The following TGS1 variants were observed in gnomAD, a reference collection of about 807,000 sequenced individuals.
The protein encoded by TGS1 is trimethylguanosine synthase.
Under a neutral mutation model 92.2 loss-of-function variants are expected in TGS1, and 69 were observed. That is an observed-to-expected ratio of 0.75 (90% CI 0.62 to 0.91). The LOEUF (loss-of-function observed/expected upper bound fraction) is 0.91, where lower values mean the gene tolerates loss of function less well. Among genes scored for constraint, TGS1 ranks in the 40% least tolerant of loss-of-function variants. The pLI is 0.00. For missense variants in TGS1, 1,062 were observed against 1,001.2 expected (o/e 1.06, Z -0.82); for synonymous variants, 345 against 338.1 (o/e 1.02, Z -0.22).
chr8:55,806,866 G>T (rs1812386774), intron 10 of TGS1, among the ~76,000 whole-genome samples: 1 of 151,848 alleles, frequency 6.6e-6, no homozygotes, highest in African/African-American at 2.4e-5. Flanking sequence ...AGGGACTTTG[G>T]CACTCACTAT....
In TGS1 at chr8:55,786,620, A is replaced by G; in HGVS notation, c.722A>G (p.Tyr241Cys). The change falls in exon 4 of 13, where the codon TAT becomes TGT. Residue 241 changes from tyrosine to cysteine, a missense_variant. Transcript: ENST00000260129. ...PDTKEEWEQH[Y>C]SQLYWYYLEQ... is the part of the protein sequence containing the mutation. ...ACAAAGGAAGAATGGGAGCAACATT[A>G]TAGTCAACTTTATTGGTATTATTTG... The G allele has an allele frequency of 6.2e-7, 1 of 1,614,210 alleles. No individual in the cohort carries two copies. Among genetic ancestry groups the G allele is most frequent in the South Asian group, 1.1e-5 (1 of 91,086 alleles).
rs752842504 is a variant in TGS1, at chr8:55,792,708, G to A, written c.1291G>A (p.Asp431Asn). 6.2e-7 allele frequency: 1 copy of A among 1,613,240 alleles called. No individual in the cohort carries two copies. Among genetic ancestry groups the A allele is most frequent in the South Asian group, 1.1e-5 (1 of 91,054 alleles). ...PSKLKRSHEL[D>N]IDENPASDFD... ...CTTTTCTTTATTTAGCCATGAACTGGACATTGATGAAAACCCAGCTTCAGA... is the reference window on the plus strand; with the variant it reads ...CTTTTCTTTATTTAGCCATGAACTGAACATTGATGAAAACCCAGCTTCAGA... Residue 431 changes from aspartate (D) to asparagine (N), a missense_variant, in exon 6 of 13, where the codon GAC (aspartate) becomes AAC (asparagine). Transcript: ENST00000260129.
Position 55,785,712 on chromosome 8 carries a change from T to G in TGS1, c.167-7T>G, listed in dbSNP as rs1454085950. The G allele has an allele frequency of 1.3e-6, 2 of 1,587,518 alleles. No homozygotes were observed. Among genetic ancestry groups the G allele is most frequent in the African/African-American group, 2.7e-5 (2 of 73,500 alleles). ...CTTAAAACTAAGCTAATAAATGGTGTCTATAGGAGACCAGGCGACAGAAGA... is the reference window on the plus strand; with the variant it reads ...CTTAAAACTAAGCTAATAAATGGTGGCTATAGGAGACCAGGCGACAGAAGA... On this transcript the variant is annotated splice_polypyrimidine_tract_variant and splice_region_variant and intron_variant, in intron 2 of 12. Coordinates refer to ENST00000260129, the MANE Select transcript of TGS1 (RefSeq NM_024831.8).
chr8:55,799,493 A>T (rs1340714635), intron 8 of TGS1, among the ~76,000 whole-genome samples: 1 of 152,316 alleles, frequency 6.6e-6, no homozygotes, highest in South Asian at 2.1e-4. Context: ...TCTGCAGTTC[A>T]ACTTGGCCTC....
intron 5 of TGS1, among the ~76,000 whole-genome samples, chr8:55,791,232 CT>C (rs1811878455): frequency 6.6e-6 from 1 of 152,214 alleles, no homozygotes; most frequent in Admixed American, 6.5e-5. Context: ...AACAGAGTCA[CT>C]TGTGTCAGAC....
chr8:55,785,874 G>C lies in TGS1; in HGVS notation c.322G>C (p.Ala108Pro), dbSNP rs144671850. ...GCCACTTCAATTTGGTAGGATAACTGCACATAAGGATTTTGAGGTAAATAT... is the reference window on the plus strand; with the variant it reads ...GCCACTTCAATTTGGTAGGATAACTCCACATAAGGATTTTGAGGTAAATAT... ...GLPLQFGRIT[A>P]HKDFEVSMNT... Residue 108 changes from alanine to proline, a missense_variant, in exon 3 of 13, where the codon GCA (alanine) becomes CCA (proline). Transcript: ENST00000260129. 33 of 1,599,554 alleles carry C rather than the reference G, an allele frequency of 2.1e-5. No individual in the cohort carries two copies. The African/African-American group carries it at 4.0e-4, about 20-fold the overall frequency.
chr8:55,821,646 G>T lies in TGS1; in HGVS notation c.2440-2935G>T, dbSNP rs555838981. On this transcript the variant is annotated intron_variant, in intron 12 of 12. Transcript: ENST00000260129. ...CCCAGCACTTTGGGAGGCCGAGGTG[G>T]GTGGATCACGAGGTCAGGAGATCGA... 2.1e-3 allele frequency among the ~76,000 whole-genome samples: 323 copies of T among 152,168 alleles called. 1 individual carries two copies. Among genetic ancestry groups the T allele is most frequent in the African/African-American group, 7.5e-3 (310 of 41,518 alleles).
chr8:55,824,895 T>C lies in TGS1; in HGVS notation c.*192T>C. ...TTGAATAATTCCTTTAGAGGAATTA[T>C]ACAAAATTAATATATATGAGTCCTT... On this transcript the variant is annotated 3_prime_UTR_variant, in exon 13 of 13. Coordinates refer to ENST00000260129, the MANE Select transcript of TGS1 (RefSeq NM_024831.8). 1 of 609,438 alleles carries C rather than the reference T, an allele frequency of 1.6e-6. No individual in the cohort carries two copies. 37.8% of individuals were successfully genotyped at this position (609,438 alleles called of 1,614,324 possible).
intron 9 of TGS1, among the ~76,000 whole-genome samples, chr8:55,803,835 G>A (rs1812289034): frequency 6.6e-6 from 1 of 151,896 alleles, no homozygotes; most frequent in Non-Finnish European, 1.5e-5. Context: ...GGGATTACAA[G>A]CAAGCACTAC....
chr8:55,784,088 A>C (rs910505871), intron 2 of TGS1, among the ~76,000 whole-genome samples: 2 of 152,196 alleles, frequency 1.3e-5, no homozygotes, highest in Non-Finnish European at 2.9e-5. Context: ...TTGGCTATAT[A>C]AGATTTACTG....
chr8:55,806,950 C>T (rs368937241), intron 10 of TGS1, among the ~76,000 whole-genome samples: 6 of 147,596 alleles, frequency 4.1e-5, no homozygotes, highest in Admixed American at 1.4e-4. Flanking sequence ...TTTTTTGAGA[C>T]GGGGTCTCAC....
intron 8 of TGS1, 22 bp downstream of exon 8, chr8:55,799,242 C>G: frequency 1.3e-6 from 2 of 1,568,186 alleles, no homozygotes; most frequent in Non-Finnish European, 1.7e-6. Flanking sequence ...TATGCTTCAA[C>G]TTGCTAATGG....
intron 1 of TGS1, among the ~76,000 whole-genome samples, chr8:55,776,557 G>T (rs909352007): frequency 3.9e-5 from 6 of 152,184 alleles, no homozygotes; most frequent in Non-Finnish European, 8.8e-5. Flanking sequence ...GGGATTACAG[G>T]CGTGAGCCAC....
rs61753686 is a variant in TGS1, at chr8:55,796,023, A to G, written c.1413A>G (p.Leu471=). 0.018 allele frequency: 29,580 copies of G among 1,613,632 alleles called. 344 individuals are homozygous for G. The highest frequency in any genetic ancestry group is 0.022 in the Middle Eastern group (131 of 6,054). Residue 471 remains leucine, a synonymous_variant, in exon 7 of 13, where the codon TTA becomes TTG. Transcript: ENST00000260129. The part of the protein sequence containing the change: ...PNFSHRQVRY[L]EKNVKLKSKY... The stretch of plus-strand genomic sequence containing the variant: ...TCAGTCATCGGCAGGTCAGGTATTT[A>G]GAGAAGAATGTGAAGCTTAAGTCTA...
intron 1 of TGS1, among the ~76,000 whole-genome samples, chr8:55,778,061 C>T (rs1273222144): frequency 6.6e-6 from 1 of 152,000 alleles, no homozygotes; most frequent in Non-Finnish European, 1.5e-5. Context: ...CGCTTGAGCC[C>T]AGAAGTTCAA....
intron 7 of TGS1, among the ~76,000 whole-genome samples, chr8:55,797,885 A>G (rs1460088085): frequency 1.3e-5 from 2 of 152,114 alleles, no homozygotes; most frequent in Non-Finnish European, 2.9e-5. Context: ...ACTTCAGCAT[A>G]CTTGTAAAAT....
chr8:55,785,749 G>A lies in TGS1; in HGVS notation c.197G>A (p.Gly66Asp), dbSNP rs765320288. The A allele has an allele frequency of 1.9e-6, 3 of 1,611,692 alleles. No homozygotes were observed. In the South Asian group the frequency reaches 3.3e-5, roughly 18 times the overall value. The change falls in exon 3 of 13, where the codon GGT (glycine) becomes GAT (aspartate). Residue 66 changes from glycine to aspartate, a missense_variant. Coordinates refer to ENST00000260129, the MANE Select transcript of TGS1 (RefSeq NM_024831.8). The part of the protein sequence containing the change: ...GDQATEEEEG[G>D]YSCGTAESHD... ...CAGGCGACAGAAGAAGAGGAAGGTG[G>A]TTATTCCTGTGGTACTGCAGAATCA...
chr8:55,810,147 G>A (rs1482843422), intron 10 of TGS1, among the ~76,000 whole-genome samples: 2 of 152,182 alleles, frequency 1.3e-5, no homozygotes, highest in South Asian at 2.1e-4. Flanking sequence ...TAAGCGTAAC[G>A]GTTACACTTA....
chr8:55,792,972 C>T (rs976768516), intron 6 of TGS1, among the ~76,000 whole-genome samples, 188 bp downstream of exon 6: 3 of 152,188 alleles, frequency 2.0e-5, no homozygotes, highest in Admixed American at 1.3e-4. Flanking sequence ...AACTCAGTTG[C>T]ACTTTATAGC....
Sources: allele counts gnomAD v4.1 joint callset (sites outside exome capture counted in the v4.1 genomes callset), GRCh38; gene constraint gnomAD v4.1.1; transcripts MANE v1.5; gene names NCBI Gene and HGNC (gene_info 2026-07-23, HGNC 2026-07-21).